The following DYSF variants were observed in gnomAD, a reference collection of about 807,000 sequenced individuals.
DYSF encodes dysferlin, also known as dystrophy-associated fer-1-like 1.
Under a neutral mutation model 274.9 loss-of-function variants are expected in DYSF, and 212 were observed. The ratio of observed to expected loss-of-function variants is 0.77; its 90% confidence interval spans 0.69 to 0.86. The LOEUF is 0.86. DYSF is among the 40% of genes least tolerant of loss of function. The pLI is 0.00. For synonymous variants in DYSF, 1,091 were observed against 1,078.7 expected (o/e 1.01, Z -0.22); for missense variants, 2,666 against 2,783.2 (o/e 0.96, Z 0.95).
At chr2:71,636,905 T>A (rs2094412348) in intron 41 of DYSF, among the ~76,000 whole-genome samples, 1 of 152,042 alleles carries the variant, frequency 6.6e-6, no homozygotes, top group Non-Finnish European at 1.5e-5. Flanking sequence ...ACAGTGGAGC[T>A]CTGCAAGGCG....
intron 3 of DYSF, among the ~76,000 whole-genome samples, chr2:71,502,307 C>T (rs1428110141): frequency 1.3e-5 from 2 of 152,028 alleles, no homozygotes; most frequent in Non-Finnish European, 2.9e-5. Context: ...GTTCATCCAT[C>T]AGGAAAAAGC....
chr2:71,664,547 C>T, intron 46 of DYSF, 109 bp downstream of exon 46: 5 of 1,376,878 alleles, frequency 3.6e-6, no homozygotes, highest in Non-Finnish European at 5.1e-6. Flanking sequence ...CTGGGCTTAG[C>T]ACTTCCTAGG....
chr2:71,465,069 A>T (rs138593913), upstream of DYSF, among the ~76,000 whole-genome samples: 19 of 152,100 alleles, frequency 1.2e-4, no homozygotes, highest in African/African-American at 3.6e-4. Context: ...GAAAAGGGAG[A>T]AATGACCAGT....
chr2:71,525,663 C>T (rs1281500752), intron 12 of DYSF, among the ~76,000 whole-genome samples: 1 of 152,150 alleles, frequency 6.6e-6, no homozygotes, highest in East Asian at 1.9e-4. Context: ...CCACAAGACA[C>T]AGTACATGTT....
chr2:71,460,494 G>A (rs1164482972), intron 1 of DYSF, among the ~76,000 whole-genome samples: 1 of 152,196 alleles, frequency 6.6e-6, no homozygotes, highest in Non-Finnish European at 1.5e-5. Context: ...ATACTGGGAG[G>A]TGGAGGTCAG....
At chr2:71,660,377 C>A (rs1284530159) in intron 44 of DYSF, among the ~76,000 whole-genome samples, 183 bp from the exon 45 acceptor site, 2 of 152,190 alleles carry the variant, frequency 1.3e-5, no homozygotes, top group African/African-American at 4.8e-5. Context: ...ACCAGAAGCC[C>A]ATGTCAGGGT....
intron 14 of DYSF, among the ~76,000 whole-genome samples, chr2:71,532,195 TATATA>T (rs2088806515): frequency 6.6e-6 from 1 of 152,214 alleles, no homozygotes; most frequent in Non-Finnish European, 1.5e-5. Flanking sequence ...TTTTTGGACA[TATATA>T]ATTCAAATTT....
At chr2:71,507,942 C>T (rs2085668037) in intron 4 of DYSF, among the ~76,000 whole-genome samples, 1 of 152,194 alleles carries the variant, frequency 6.6e-6, no homozygotes, top group South Asian at 2.1e-4. Context: ...AGCATGGCTA[C>T]CACGCCCAAC....
chr2:71,656,057 T>A (rs1346592428), intron 42 of DYSF, 105 bp from the exon 43 acceptor site: 9 of 1,396,386 alleles, frequency 6.4e-6, no homozygotes, highest in Non-Finnish European at 9.1e-6. Flanking sequence ...CTTTATTCAC[T>A]CTCACACTGT....
At chr2:71,502,007 C>T (rs1385161974) in intron 3 of DYSF, among the ~76,000 whole-genome samples, 1 of 152,016 alleles carries the variant, frequency 6.6e-6, no homozygotes, top group Admixed American at 6.6e-5. Context: ...GTTTACGTCC[C>T]TACACACCAT....
intron 17 of DYSF, among the ~76,000 whole-genome samples, chr2:71,545,014 C>T (rs192698426): frequency 5.3e-5 from 8 of 152,178 alleles, no homozygotes; most frequent in Admixed American, 6.5e-5. Flanking sequence ...TAAGTGCCCT[C>T]GAAGAGAAGG....
At position 71,662,601 on chromosome 2, in the gene DYSF, G is replaced by A. The variant is rs555379516; in HGVS notation, c.5004-1667G>A. On this transcript the variant is annotated intron_variant, in intron 45 of 55. Transcript: ENST00000410020. ...TGTATACATGTGTGTAGGTGTATGCGTCTGTGTGTGTCTGTGTGTCTGTGT... is the reference window on the plus strand; with the variant it reads ...TGTATACATGTGTGTAGGTGTATGCATCTGTGTGTGTCTGTGTGTCTGTGT... 2.7e-3 allele frequency among the ~76,000 whole-genome samples: 400 copies of A among 146,082 alleles called. 2 individuals are homozygous for A. Among genetic ancestry groups the A allele is most frequent in the African/African-American group, 7.2e-3 (281 of 38,880 alleles).
intron 36 of DYSF, chr2:71,611,003 GGAACAAGGTGACCT>G (rs1015451607): frequency 3.6e-6 from 2 of 561,350 alleles, no homozygotes; most frequent in Admixed American, 2.7e-5. Flanking sequence ...GGATTCAGTT[GGAACAAGGTGACCT>G]GAACCCTGGA....
At chr2:71,628,219 C>G (rs1444751744) in intron 41 of DYSF, among the ~76,000 whole-genome samples, 1 of 152,082 alleles carries the variant, frequency 6.6e-6, no homozygotes, top group Admixed American at 6.5e-5. Context: ...GCATATTTAA[C>G]TTAGCAAAGT....
chr2:71,598,779 C>T (rs764288798), intron 33 of DYSF, 34 bp downstream of exon 33: 2 of 1,604,590 alleles, frequency 1.2e-6, no homozygotes, highest in Admixed American at 1.7e-5. Flanking sequence ...CGTCCCCTCA[C>T]AGGGAGGGAC....
chr2:71,463,066 T>C (rs962907351), upstream of DYSF, among the ~76,000 whole-genome samples: 4 of 152,222 alleles, frequency 2.6e-5, no homozygotes, highest in African/African-American at 9.6e-5. Context: ...CCCAGGAGCC[T>C]GTCTGCCTCC....
chr2:71,585,820 G>A (rs1045898792), intron 30 of DYSF, among the ~76,000 whole-genome samples: 6 of 152,144 alleles, frequency 3.9e-5, no homozygotes, highest in South Asian at 2.1e-4. Flanking sequence ...ATGGGTGCTC[G>A]CAATGTAAAG....
chr2:71,651,066 A>G (rs1290831657), intron 42 of DYSF, among the ~76,000 whole-genome samples: 1 of 152,232 alleles, frequency 6.6e-6, no homozygotes, highest in Non-Finnish European at 1.5e-5. Context: ...AGGCAATTTC[A>G]TATGAGTAAC....
At chr2:71,597,320 C>A (rs575656076) in intron 32 of DYSF, among the ~76,000 whole-genome samples, 1 of 152,252 alleles carries the variant, frequency 6.6e-6, no homozygotes, top group African/African-American at 2.4e-5. Flanking sequence ...GTATTGAGTG[C>A]ATGGTTAGGC....
Sources: allele counts gnomAD v4.1 joint callset (sites outside exome capture counted in the v4.1 genomes callset), GRCh38; gene constraint gnomAD v4.1.1; transcripts MANE v1.5; gene names NCBI Gene and HGNC (gene_info 2026-07-23, HGNC 2026-07-21).